DOCK1: variants seen among roughly 807,000 people sequenced by gnomAD.
DOCK1 encodes dedicator of cytokinesis 1, also known as dedicator of cytokinesis protein 1.
In DOCK1, 138 loss-of-function variants were observed where a neutral mutation model predicts 262.7. That is an observed-to-expected ratio of 0.53 (90% CI 0.46 to 0.61). The LOEUF is 0.61. Among genes scored for constraint, DOCK1 ranks in the 20% least tolerant of loss-of-function variants. The pLI, the probability that DOCK1 is intolerant of heterozygous loss-of-function variation, is 0.00. For synonymous variants in DOCK1, 866 were observed against 867.4 expected (o/e 1.00, Z 0.03); for missense variants, 1,908 against 2,370.7 (o/e 0.80, Z 4.05).
At chr10:127,018,358 AC>A (rs1253727600) in intron 12 of DOCK1, among the ~76,000 whole-genome samples, 9 of 152,164 alleles carry the variant, frequency 5.9e-5, no homozygotes, top group African/African-American at 2.2e-4. Flanking sequence ...CTTCTCAGCC[AC>A]CTCCTAGAAA....
intron 1 of DOCK1, among the ~76,000 whole-genome samples, chr10:126,949,447 C>T (rs1355734910): frequency 6.6e-6 from 1 of 152,090 alleles, no homozygotes; most frequent in Admixed American, 6.5e-5. Flanking sequence ...ACATGGCAGT[C>T]CAAAGTGGGT....
At chr10:126,967,015 A>G (rs1427367209) in intron 1 of DOCK1, among the ~76,000 whole-genome samples, 1 of 152,198 alleles carries the variant, frequency 6.6e-6, no homozygotes, top group Non-Finnish European at 1.5e-5. Flanking sequence ...TGTAGTAGGC[A>G]TTCAGCCCAC....
intron 1 of DOCK1, among the ~76,000 whole-genome samples, chr10:126,950,421 T>C (rs2036109120): frequency 6.6e-6 from 1 of 152,170 alleles, no homozygotes; most frequent in Middle Eastern, 3.4e-3. Flanking sequence ...AAAGGCTCTC[T>C]CTCCTTTAGA....
In DOCK1 at chr10:126,995,294, GGGAGGT is replaced by G. The variant is rs1404742143; in HGVS notation, c.474-1447_474-1442del. 6.6e-6 allele frequency among the ~76,000 whole-genome samples: 1 copy of G among 152,188 alleles called. No homozygotes were observed. The highest frequency in any genetic ancestry group is 1.5e-5 in the Non-Finnish European group (1 of 68,044). On this transcript the variant is annotated intron_variant, in intron 6 of 51. Transcript: ENST00000623213. This position sits in a 1 kb window ranked among gnomAD's most constrained non-coding sequence, Gnocchi z 5.8. ...CTTTGGGAGGCCAAGGCAGGTGGCT[GGGAGGT>G]GGAGGTTGTAGCGAGCCGAGATCAT...
At chr10:127,275,069 A>G (rs1448826951) in intron 29 of DOCK1, among the ~76,000 whole-genome samples, 2 of 152,108 alleles carry the variant, frequency 1.3e-5, no homozygotes, top group Non-Finnish European at 2.9e-5. Flanking sequence ...CGTTCAGAAG[A>G]AAGGTAAGGC....
intron 27 of DOCK1, among the ~76,000 whole-genome samples, chr10:127,142,515 T>C (rs2051362887): frequency 6.6e-6 from 1 of 152,184 alleles, no homozygotes; most frequent in Admixed American, 6.5e-5. Context: ...ATTCAAAGCA[T>C]GAGTCTGAAG....
chr10:127,020,714 G>T (rs546181627), intron 13 of DOCK1, among the ~76,000 whole-genome samples: 1 of 152,180 alleles, frequency 6.6e-6, no homozygotes, highest in Non-Finnish European at 1.5e-5. Flanking sequence ...GCTTGGGTGG[G>T]TCATCTGCGT....
At position 127,020,191 on chromosome 10, in the gene DOCK1, A is replaced by G. The variant is rs1433119758; in HGVS notation, c.1327+1356A>G. On this transcript the variant is annotated intron_variant, in intron 13 of 51. Coordinates refer to ENST00000623213, the MANE Select transcript of DOCK1 (RefSeq NM_001290223.2). ...TGTGTGTCCAGTCTATATGCAGGAA[A>G]TTAATTTAGGTTTATTAATGGGAGT... is the stretch of plus-strand genomic sequence containing the variant. Among the ~76,000 whole-genome samples the G allele has an allele frequency of 2.6e-5, 4 of 152,210 alleles. No homozygotes were observed. In the East Asian group the frequency reaches 7.7e-4, roughly 29 times the overall value.
chr10:127,183,940 T>C (rs2055976547), intron 27 of DOCK1, among the ~76,000 whole-genome samples: 1 of 152,158 alleles, frequency 6.6e-6, no homozygotes, highest in South Asian at 2.1e-4. Context: ...AAGTAGCTAC[T>C]TTTTAAAAAC....
At chr10:126,961,695 A>G (rs2037234781) in intron 1 of DOCK1, among the ~76,000 whole-genome samples, 1 of 152,210 alleles carries the variant, frequency 6.6e-6, no homozygotes, top group South Asian at 2.1e-4. Context: ...TTTAAGGCCG[A>G]TGGATATTCC....
At chr10:127,229,780 A>G (rs1220274350) in intron 27 of DOCK1, among the ~76,000 whole-genome samples, 2 of 152,130 alleles carry the variant, frequency 1.3e-5, no homozygotes, top group Non-Finnish European at 2.9e-5. Context: ...TGATGATTTT[A>G]GTTTTAATTT....
At chr10:127,227,297 C>A (rs1453688414) in intron 27 of DOCK1, among the ~76,000 whole-genome samples, 1 of 152,172 alleles carries the variant, frequency 6.6e-6, no homozygotes, top group Non-Finnish European at 1.5e-5. Context: ...ACACCTACCA[C>A]CATTAAGGAT....
intron 40 of DOCK1, 103 bp downstream of exon 40, chr10:127,404,532 G>A (rs1376038386): frequency 1.4e-5 from 15 of 1,085,294 alleles, no homozygotes; most frequent in South Asian, 2.8e-5. Context: ...GCGTGGGATC[G>A]TGCAACTCTC....
intron 32 of DOCK1, among the ~76,000 whole-genome samples, chr10:127,359,203 AC>A (rs2064291423): frequency 1.3e-5 from 2 of 151,770 alleles, no homozygotes; most frequent in African/African-American, 4.8e-5. Context: ...CACCTTGGGG[AC>A]CACTGGTTTA....
At chr10:126,941,863 C>G (rs2035036517) in intron 1 of DOCK1, among the ~76,000 whole-genome samples, 1 of 152,126 alleles carries the variant, frequency 6.6e-6, no homozygotes, top group African/African-American at 2.4e-5. Flanking sequence ...CTTTCTCAGC[C>G]CGCCTTTGCA....
chr10:127,324,731 C>CCA (rs1218251983), intron 29 of DOCK1, among the ~76,000 whole-genome samples: 4 of 152,260 alleles, frequency 2.6e-5, no homozygotes, highest in South Asian at 4.1e-4. Context: ...TCAAAGTCAG[C>CCA]CACACACACA....
chr10:127,062,890 T>A (rs2045624619), intron 23 of DOCK1, among the ~76,000 whole-genome samples: 1 of 152,174 alleles, frequency 6.6e-6, no homozygotes, highest in African/African-American at 2.4e-5. Flanking sequence ...TCTGTCCTTC[T>A]TCCCTCTTTT....
At chr10:127,125,431 T>C in intron 25 of DOCK1, 43 bp from the exon 26 acceptor site, 1 of 1,607,766 alleles carries the variant, frequency 6.2e-7, no homozygotes, top group Non-Finnish European at 8.5e-7. Context: ...GAGTTGCGTC[T>C]TGGTGGGTTT....
At chr10:127,039,414 A>G (rs1362113919) in intron 19 of DOCK1, among the ~76,000 whole-genome samples, 1 of 152,234 alleles carries the variant, frequency 6.6e-6, no homozygotes, top group Admixed American at 6.5e-5. Flanking sequence ...GTTACCTGGA[A>G]GAATGTAGAA....
Sources: gnomAD v4.1 joint callset for allele counts (sites outside exome capture counted in the v4.1 genomes callset) on GRCh38, gnomAD v4.1.1 for gene constraint, Gnocchi (gnomAD v3.1) non-coding constraint, MANE v1.5 for transcripts, NCBI Gene and HGNC (gene_info 2026-07-23, HGNC 2026-07-21) for gene names.